HIVEP3: variants seen among roughly 807,000 people sequenced by gnomAD.
HIVEP3 encodes HIVEP zinc finger 3.
A neutral mutation model predicts 152.8 loss-of-function variants in HIVEP3; 49 were observed. The ratio of observed to expected loss-of-function variants is 0.32; its 90% CI spans 0.26 to 0.41. The LOEUF is 0.41. HIVEP3 is among the 10% of genes least tolerant of loss of function. The pLI, the probability that HIVEP3 is intolerant of heterozygous loss-of-function variation, is 1.00. For missense variants in HIVEP3, 2,790 were observed against 3,103.3 expected, an observed-to-expected ratio of 0.90 and a Z score of 2.40; for synonymous variants, 1,269 against 1,289.0, an observed-to-expected ratio of 0.98 and a Z score of 0.33.
chr1:41,527,855 C>T (rs1558030603), intron 5 of HIVEP3, among the ~76,000 whole-genome samples: 4 of 143,526 alleles, frequency 2.8e-5, no homozygotes. Context: ...CCACCCTCAC[C>T]CTCACACCCC....
chr1:42,034,917 C>T (rs957754616), intron 1 of HIVEP3, among the ~76,000 whole-genome samples: 1 of 152,118 alleles, frequency 6.6e-6, no homozygotes, highest in African/African-American at 2.4e-5. Flanking sequence ...TTACCAAAGC[C>T]TCCTCGAGCA....
At chr1:41,793,628 GA>G (rs11361361) in intron 1 of HIVEP3, among the ~76,000 whole-genome samples, 5,103 of 151,916 alleles carry the variant, frequency 0.034, 286 homozygotes, top group African/African-American at 0.12. Flanking sequence ...TAAAGCAATA[GA>G]AAAAAAACAT....
In HIVEP3 at chr1:41,706,207, C is replaced by G. The variant is rs1371587739; in HGVS notation, c.-800-5212G>C. ...ATAGGTAGTTTTTCAACCCTTACCC[C>G]CTTTCCTCCCTGTCCCCTTTTAGGA... is the stretch of plus-strand genomic sequence containing the variant. On this transcript the variant is annotated intron_variant, in intron 1 of 8. Transcript: ENST00000372583. 4.6e-5 allele frequency among the ~76,000 whole-genome samples: 7 copies of G among 152,290 alleles called. No individual in the cohort carries two copies. The South Asian group carries it at 1.0e-3, about 23-fold the overall frequency.
intron 5 of HIVEP3, among the ~76,000 whole-genome samples, chr1:41,534,588 G>T (rs757243543): frequency 2.0e-5 from 3 of 152,182 alleles, no homozygotes; most frequent in Admixed American, 1.3e-4. Context: ...CACAAGCACA[G>T]CCCCCATCAT....
At chr1:41,678,999 G>A (rs1645998374) in intron 2 of HIVEP3, among the ~76,000 whole-genome samples, 1 of 152,246 alleles carries the variant, frequency 6.6e-6, no homozygotes, top group Non-Finnish European at 1.5e-5. Context: ...TCCAGGCATA[G>A]AGTTTGGTGT....
chr1:41,803,144 C>T (rs892185370), intron 1 of HIVEP3, among the ~76,000 whole-genome samples: 14 of 152,340 alleles, frequency 9.2e-5, no homozygotes, highest in African/African-American at 3.1e-4. Flanking sequence ...ACCCATTTTG[C>T]AACAAACAGG....
rs149415544 is a variant in HIVEP3, at chr1:41,692,525, C to T, written c.-721+8391G>A. 6.1e-3 allele frequency among the ~76,000 whole-genome samples: 922 copies of T among 152,302 alleles called. 13 individuals are homozygous for T. Among genetic ancestry groups the T allele is most frequent in the African/African-American group, 0.021 (889 of 41,546 alleles). On this transcript the variant is annotated intron_variant, in intron 2 of 8. Transcript: ENST00000372583. ...AATACACATAACACAAGGTTATACACTGATCAGCTGAGAAAAACATTGTAA... is the reference window on the plus strand; with the variant it reads ...AATACACATAACACAAGGTTATACATTGATCAGCTGAGAAAAACATTGTAA...
intron 1 of HIVEP3, among the ~76,000 whole-genome samples, chr1:41,934,365 T>G (rs1388279661): frequency 1.3e-5 from 2 of 152,156 alleles, no homozygotes; most frequent in Non-Finnish European, 2.9e-5. Flanking sequence ...AGCTCATATC[T>G]CATTTCTCCC....
chr1:41,628,997 T>C (rs893126632), intron 2 of HIVEP3, 50 bp from the exon 3 acceptor site: 8 of 1,205,800 alleles, frequency 6.6e-6, no homozygotes, highest in Admixed American at 8.5e-5. Flanking sequence ...TTGGTCAACT[T>C]TTTTAGACAC....
At chr1:41,925,170 A>G (rs1484134948) in intron 1 of HIVEP3, among the ~76,000 whole-genome samples, 1 of 152,218 alleles carries the variant, frequency 6.6e-6, no homozygotes, top group Non-Finnish European at 1.5e-5. Flanking sequence ...ACAGAAAAGA[A>G]TGTATGACAG....
intron 1 of HIVEP3, among the ~76,000 whole-genome samples, chr1:42,001,588 T>TGGGCTGG (rs1339188190): frequency 6.6e-6 from 1 of 152,180 alleles, no homozygotes; most frequent in East Asian, 1.9e-4. Context: ...TACCAGACCC[T>TGGGCTGG]GGGCTGGGCC....
At chr1:41,542,166 C>T (rs1643545730) in intron 5 of HIVEP3, 1 of 152,272 alleles carries the variant, frequency 6.6e-6, no homozygotes, top group Non-Finnish European at 1.5e-5. Context: ...CCCTCACCCA[C>T]CTCAAAAGCG....
intron 1 of HIVEP3, among the ~76,000 whole-genome samples, chr1:42,030,341 G>A (rs1261015519): frequency 6.6e-6 from 1 of 152,124 alleles, no homozygotes; most frequent in Non-Finnish European, 1.5e-5. Flanking sequence ...GTGGCCCAGA[G>A]AAGCCAAAAG....
At chr1:41,574,580 G>A (rs934525222) in intron 5 of HIVEP3, among the ~76,000 whole-genome samples, 1 of 152,116 alleles carries the variant, frequency 6.6e-6, no homozygotes, top group Non-Finnish European at 1.5e-5. Context: ...GAGGACTCCC[G>A]TGCCTCCCAC....
chr1:41,979,088 C>G (rs1645280442), intron 1 of HIVEP3, among the ~76,000 whole-genome samples: 1 of 152,198 alleles, frequency 6.6e-6, no homozygotes, highest in Non-Finnish European at 1.5e-5. Context: ...GCAACATCAG[C>G]AGCCCCCAGG....
intron 2 of HIVEP3, among the ~76,000 whole-genome samples, chr1:41,657,214 C>T (rs1645641442): frequency 6.6e-6 from 1 of 152,174 alleles, no homozygotes; most frequent in Non-Finnish European, 1.5e-5. Context: ...GTTTACACCC[C>T]AATTGACCCA....
intron 1 of HIVEP3, among the ~76,000 whole-genome samples, chr1:42,021,852 T>C (rs6689536): frequency 0.68 from 103,285 of 152,034 alleles, 35,730 homozygotes; most frequent in East Asian, 0.96. Flanking sequence ...TCAGTTTTCA[T>C]TCTTCATTTC....
At chr1:41,686,077 TTTTG>T (rs979384594) in intron 2 of HIVEP3, among the ~76,000 whole-genome samples, 6 of 150,742 alleles carry the variant, frequency 4.0e-5, no homozygotes, top group Non-Finnish European at 8.8e-5. Flanking sequence ...TTTTGTTTTG[TTTTG>T]TTTTTTTTGA....
At chr1:41,883,001 G>C (rs933741477) in intron 1 of HIVEP3, among the ~76,000 whole-genome samples, 6 of 152,112 alleles carry the variant, frequency 3.9e-5, no homozygotes, top group Non-Finnish European at 8.8e-5. Flanking sequence ...TAGGAGCGGG[G>C]AGCCAGCTGG....
Sources: gnomAD v4.1 joint callset for allele counts (sites outside exome capture counted in the v4.1 genomes callset) on GRCh38, gnomAD v4.1.1 for gene constraint, MANE v1.5 for transcripts, NCBI Gene and HGNC (gene_info 2026-07-23, HGNC 2026-07-21) for gene names.